Variants in TSBP1 observed in about 807,000 individuals in gnomAD.
TSBP1 encodes the protein testis expressed basic protein 1, also known as testis-expressed basic protein 1.
A neutral mutation model predicts 68.8 loss-of-function variants in TSBP1; 56 were observed. The ratio of observed to expected loss-of-function variants is 0.81; its 90% CI spans 0.66 to 1.02. The LOEUF is 1.02. Ranked by LOEUF, TSBP1 falls within the 50% of genes least tolerant of loss-of-function variation. The pLI is 0.00. For missense variants in TSBP1, 502 were observed against 641.2 expected (o/e 0.78, Z 2.34); for synonymous variants, 171 against 208.7 (o/e 0.82, Z 1.56).
At position 32,321,014 on chromosome 6, in the gene TSBP1, TC is replaced by T. The variant is rs1336980127; in HGVS notation, c.559+2102del. Among the ~76,000 whole-genome samples the T allele has an allele frequency of 6.6e-6, 1 of 152,200 alleles. No individual in the cohort carries two copies. Among genetic ancestry groups the T allele is most frequent in the African/African-American group, 2.4e-5 (1 of 41,452 alleles). ...ATCCGTGTTCCAGCAAAGGACATGA[TC>T]TCATTCTTTTTTTGGCTGCGTAGTA... On this transcript the variant is annotated intron_variant, in intron 18 of 22. Transcript: ENST00000612031. The surrounding 1 kb of genome is among the most constrained non-coding windows in gnomAD (Gnocchi z 4.3).
At chr6:32,323,538 A>C (rs1212026011) in intron 17 of TSBP1, 53 bp downstream of exon 18, 1 of 1,562,238 alleles carries the variant, frequency 6.4e-7, no homozygotes. Context: ...TAAGCCTTGC[A>C]GGGAACAACA....
Position 32,365,046 on chromosome 6 carries a change from G to A in TSBP1, c.217+1121C>T, listed in dbSNP as rs3129920. On this transcript the variant is annotated intron_variant, in intron 6 of 22. Coordinates refer to ENST00000612031, the Ensembl canonical transcript of TSBP1. The surrounding 1 kb of genome is among the most constrained non-coding windows in gnomAD (Gnocchi z 4.3). Reference sequence around the variant, plus strand: ...GTAGCTGGGACTGCAGGTGTGCACCGCCACATCCAACTGATTTTTTTTTTT... The same window carrying A: ...GTAGCTGGGACTGCAGGTGTGCACCACCACATCCAACTGATTTTTTTTTTT... Among the ~76,000 whole-genome samples, 115,831 of 150,810 alleles carry A rather than the reference G, an allele frequency of 0.77. 44,763 individuals are homozygous for A. The highest frequency in any genetic ancestry group is 0.89 in the South Asian group (4,297 of 4,802).
exon 15 of TSBP1, chr6:32,332,048 G>C (rs748575098): frequency 6.3e-6 from 10 of 1,598,070 alleles, no homozygotes; most frequent in Non-Finnish European, 8.6e-6. Flanking sequence ...AGGTCCTGGA[G>C]TTTGCACTAA....
rs1328680021 is a variant in TSBP1 at position 32,335,863 on chromosome 6, C to T, written c.451+49G>A. 6.0e-6 allele frequency: 9 copies of T among 1,488,524 alleles called. No homozygotes were observed. Among genetic ancestry groups the T allele is most frequent in the African/African-American group, 2.8e-5 (2 of 72,646 alleles). The allele number at this position is 1,488,524 out of a possible 1,614,324, so 92.2% of individuals were successfully genotyped here. A position where few individuals can be genotyped will look rare whatever the true frequency, so the allele number is the denominator to read the frequency against. On this transcript the variant is annotated intron_variant, in intron 13 of 22. Coordinates refer to ENST00000612031, the Ensembl canonical transcript of TSBP1. The surrounding 1 kb of genome is among the most constrained non-coding windows in gnomAD (Gnocchi z 5.5). ...AAACCAGGTAGCGATCCCTAAGATA[C>T]TGCAGGAAAGTAAAATGCTCACTGT... is the stretch of plus-strand genomic sequence containing the variant.
intron 16 of TSBP1, among the ~76,000 whole-genome samples, chr6:32,330,038 G>A (rs2127596926): frequency 6.6e-6 from 1 of 152,262 alleles, no homozygotes; most frequent in African/African-American, 2.4e-5. Context: ...TCGTGCGTGT[G>A]TGTGCGCGCG....
intron 17 of TSBP1, 75 bp from the exon 19 acceptor site, chr6:32,323,212 T>C: frequency 1.0e-6 from 1 of 968,536 alleles, no homozygotes; most frequent in South Asian, 1.4e-5. Flanking sequence ...TATATTTGTG[T>C]AGGGGAGAAA....
chr6:32,358,345 G>A (rs1772569075), intron 6 of TSBP1, among the ~76,000 whole-genome samples: 1 of 152,026 alleles, frequency 6.6e-6, no homozygotes, highest in African/African-American at 2.4e-5. Context: ...GTATTTCTTT[G>A]CACCCTTGGA....
intron 16 of TSBP1, among the ~76,000 whole-genome samples, chr6:32,326,934 C>T (rs1475385329): frequency 2.0e-5 from 3 of 152,154 alleles, no homozygotes; most frequent in Non-Finnish European, 2.9e-5. Context: ...GGAAATCCTG[C>T]AGGGGATTGG....
intron 20 of TSBP1, among the ~76,000 whole-genome samples, chr6:32,301,498 T>C (rs1045178199): frequency 2.0e-5 from 3 of 151,480 alleles, no homozygotes; most frequent in Non-Finnish European, 4.4e-5. Flanking sequence ...GCGGATGGCT[T>C]GAGCCTAGGA....
chr6:32,368,877 CAA>C (rs1774072472), intron 2 of TSBP1, 63 bp from the exon 3 acceptor site: 20 of 1,541,214 alleles, frequency 1.3e-5, no homozygotes, highest in Non-Finnish European at 1.4e-5. Flanking sequence ...TTCCTCTGAT[CAA>C]ACTCTTCTCA....
chr6:32,370,605 C>T (rs1482901553), intron 1 of TSBP1, among the ~76,000 whole-genome samples: 1 of 151,694 alleles, frequency 6.6e-6, no homozygotes, highest in African/African-American at 2.4e-5. Context: ...AATTTCTTGT[C>T]ACAGAAAAAC....
chr6:32,349,583 T>C (rs1771481748), intron 9 of TSBP1, 157 bp downstream of exon 9: 2 of 594,146 alleles, frequency 3.4e-6, no homozygotes, highest in African/African-American at 1.9e-5. Context: ...GACTGATTAT[T>C]GAAGTGTCTG....
rs9348882 is a variant in TSBP1 at position 32,333,545 on chromosome 6, C to T, written c.473-1491G>A. On this transcript the variant is annotated intron_variant, in intron 14 of 22. Coordinates refer to ENST00000612031, the Ensembl canonical transcript of TSBP1. This position sits in a 1 kb window ranked among gnomAD's most constrained non-coding sequence, Gnocchi z 4.2. The stretch of plus-strand genomic sequence containing the variant: ...GTTTCTAAGCTAGGTCAGCTCCCAA[C>T]TCAACTGACAGAAGGCCAAACAGAA... Among the ~76,000 whole-genome samples, 51,089 of 151,934 alleles carry T rather than the reference C, an allele frequency of 0.34. 9,654 individuals are homozygous for T. The highest frequency in any genetic ancestry group is 0.52 in the Middle Eastern group (153 of 294).
intron 9 of TSBP1, among the ~76,000 whole-genome samples, chr6:32,342,822 C>T (rs1186783540): frequency 6.6e-6 from 1 of 152,096 alleles, no homozygotes; most frequent in Admixed American, 6.5e-5. Flanking sequence ...TGAAGGTAGG[C>T]TGTGATTAGA....
chr6:32,331,165 G>A (rs3132959), intron 15 of TSBP1, among the ~76,000 whole-genome samples: 116,766 of 152,048 alleles, frequency 0.77, 45,118 homozygotes, highest in South Asian at 0.9. Context: ...GCTTTTCATT[G>A]TAGGTGTTGG....
intron 22 of TSBP1, among the ~76,000 whole-genome samples, chr6:32,298,509 G>A (rs1193966446): frequency 6.6e-6 from 1 of 152,154 alleles, no homozygotes; most frequent in East Asian, 1.9e-4. Context: ...AACCCGTGAG[G>A]CAGAGGTTGC....
At chr6:32,295,842 C>CTTTTT (rs535371646) in intron 22 of TSBP1, among the ~76,000 whole-genome samples, 3 of 125,316 alleles carry the variant, frequency 2.4e-5, no homozygotes, top group South Asian at 2.6e-4. Flanking sequence ...AGGAAAATTT[C>CTTTTT]TTTTTTTTTT....
chr6:32,299,839 A>G, intron 22 of TSBP1, 83 bp downstream of exon 25: 2 of 1,152,444 alleles, frequency 1.7e-6, no homozygotes, highest in South Asian at 1.2e-5. Flanking sequence ...ACAGGCCTCT[A>G]TTTTGGGAGT....
In TSBP1 at chr6:32,365,272, C is replaced by G; in HGVS notation, c.217+895G>C. 1 of 455,944 alleles carries G rather than the reference C, an allele frequency of 2.2e-6. No homozygotes were observed. The highest frequency in any genetic ancestry group is 4.4e-6 in the Non-Finnish European group (1 of 226,568). 28.2% of individuals were successfully genotyped at this position (455,944 alleles called of 1,614,324 possible). A position where few individuals can be genotyped will look rare whatever the true frequency, so the allele number is the denominator to read the frequency against. ...TCTGAGAGCCTTCCCTTTGTTTTCCCTAGGGTGGTGCTCTGGAATTCTCAA... is the reference window on the plus strand; with the variant it reads ...TCTGAGAGCCTTCCCTTTGTTTTCCGTAGGGTGGTGCTCTGGAATTCTCAA... On this transcript the variant is annotated intron_variant, in intron 6 of 22. Transcript: ENST00000612031. This position sits in a 1 kb window ranked among gnomAD's most constrained non-coding sequence, Gnocchi z 4.3.
Sources: allele counts gnomAD v4.1 joint callset (sites outside exome capture counted in the v4.1 genomes callset), GRCh38; gene constraint gnomAD v4.1.1; non-coding constraint Gnocchi (gnomAD v3.1); transcripts MANE v1.5; gene names NCBI Gene and HGNC (gene_info 2026-07-23, HGNC 2026-07-21).